The following ZBTB40 variants were observed in gnomAD, a reference collection of about 807,000 sequenced individuals.
The protein encoded by ZBTB40 is zinc finger and BTB domain containing 40.
A neutral mutation model predicts 117.5 loss-of-function variants in ZBTB40; 60 were observed. That is an observed-to-expected ratio of 0.51 (90% CI 0.41 to 0.63). The LOEUF (loss-of-function observed/expected upper bound fraction) is 0.63, where lower values mean the gene tolerates loss of function less well. Among genes scored for constraint, ZBTB40 ranks in the 30% least tolerant of loss-of-function variants. ZBTB40 has a pLI of 0.00. For synonymous variants in ZBTB40, 525 were observed against 577.1 expected, an observed-to-expected ratio of 0.91 and a Z score of 1.29; for missense variants, 1,287 against 1,498.5, an observed-to-expected ratio of 0.86 and a Z score of 2.33.
chr1:22,513,155 T>G lies in ZBTB40; in HGVS notation c.2668+25T>G, dbSNP rs768379056. The G allele has an allele frequency of 6.2e-6, 10 of 1,609,200 alleles. No homozygotes were observed. Among genetic ancestry groups the G allele is most frequent in the Non-Finnish European group, 8.5e-6 (10 of 1,177,674 alleles). ...GGTAAGGCGGGGCACAGTTCATTTC[T>G]CCTGCAGACTTTCACTGCGAACTGC... On this transcript the variant is annotated intron_variant, in intron 12 of 17. Coordinates refer to ENST00000375647, the MANE Select transcript of ZBTB40 (RefSeq NM_014870.4). The surrounding 1 kb of genome is among the most constrained non-coding windows in gnomAD (Gnocchi z 4.9).
chr1:22,438,974 T>G (rs750012159), intron 1 of ZBTB40, among the ~76,000 whole-genome samples: 3 of 152,160 alleles, frequency 2.0e-5, no homozygotes, highest in Non-Finnish European at 4.4e-5. Context: ...TTCAAGTGCT[T>G]CTTCTGCCTC....
At chr1:22,467,775 T>C (rs1641291269) in intron 1 of ZBTB40, among the ~76,000 whole-genome samples, 1 of 109,254 alleles carries the variant, frequency 9.2e-6, no homozygotes, top group Admixed American at 1.2e-4. Context: ...GTGTCAGGCC[T>C]GTTTTTTTTT....
chr1:22,492,712 C>T (rs1245598092), intron 3 of ZBTB40, among the ~76,000 whole-genome samples: 2 of 152,194 alleles, frequency 1.3e-5, no homozygotes, highest in African/African-American at 4.8e-5. Flanking sequence ...AACTGACAGT[C>T]GACTATACAT....
chr1:22,478,951 A>G (rs1641614656), intron 1 of ZBTB40, among the ~76,000 whole-genome samples: 1 of 152,144 alleles, frequency 6.6e-6, no homozygotes, highest in Admixed American at 6.5e-5. Context: ...TAATGTTTTT[A>G]CTACTCACAG....
Position 22,524,234 on chromosome 1 carries a change from G to A in ZBTB40, c.3315G>A (p.Arg1105=). ...CTCCTCCAGGGTCCCAGCCATTCCGGTGCTTGTACTGTGCTGCTACTTTCC... is the reference window on the plus strand; with the variant it reads ...CTCCTCCAGGGTCCCAGCCATTCCGATGCTTGTACTGTGCTGCTACTTTCC... ...KCQHSGSQPF[R]CLYCAATFRF... Residue 1105 remains arginine (R), a synonymous_variant, in exon 17 of 18, where the codon CGG becomes CGA. Transcript: ENST00000375647. 1 of 1,614,054 alleles carries A rather than the reference G, an allele frequency of 6.2e-7. No individual in the cohort carries two copies. Among genetic ancestry groups the A allele is most frequent in the Non-Finnish European group, 8.5e-7 (1 of 1,180,018 alleles).
intron 1 of ZBTB40, among the ~76,000 whole-genome samples, chr1:22,433,435 A>AAAACAAAAACAAAAAAAAAAAC (rs1386807539): frequency 4.2e-5 from 5 of 120,198 alleles, no homozygotes; most frequent in African/African-American, 1.7e-4. Context: ...GCCCTCTCAA[A>AAAACAAAAACAAAAAAAAAAAC]AAAAAAAAAA....
intron 1 of ZBTB40, among the ~76,000 whole-genome samples, chr1:22,431,384 G>GTGTGTATATATATATATATATA (rs1222294324): frequency 8.4e-6 from 1 of 119,710 alleles, no homozygotes; most frequent in Admixed American, 9.8e-5. Flanking sequence ...GTGTGTGTGT[G>GTGTGTATATATATATATATATA]TATATATATA....
intron 7 of ZBTB40, 65 bp from the exon 8 acceptor site, chr1:22,508,465 C>A: frequency 6.3e-7 from 1 of 1,575,346 alleles, no homozygotes; most frequent in Non-Finnish European, 8.7e-7. Flanking sequence ...TCTAGACTTG[C>A]AGCTCTGCAG....
intron 1 of ZBTB40, among the ~76,000 whole-genome samples, chr1:22,438,193 C>G (rs568373772): frequency 6.6e-6 from 1 of 152,196 alleles, no homozygotes; most frequent in Non-Finnish European, 1.5e-5. Flanking sequence ...GTCCCTCTCC[C>G]TCCAGCCACT....
Position 22,526,401 on chromosome 1 carries a change from C to T in ZBTB40, c.*5C>T, listed in dbSNP as rs1264231632. On this transcript the variant is annotated 3_prime_UTR_variant, in exon 18 of 18. Coordinates refer to ENST00000375647, the MANE Select transcript of ZBTB40 (RefSeq NM_014870.4). ...ATCTGTGGTGAGGCCAAATGAGCAGCCTTTCATCCGGCAGAGCCTTCCTGC... is the reference window on the plus strand; with the variant it reads ...ATCTGTGGTGAGGCCAAATGAGCAGTCTTTCATCCGGCAGAGCCTTCCTGC... 1 of 1,613,790 alleles carries T rather than the reference C, an allele frequency of 6.2e-7. No homozygotes were observed. Among genetic ancestry groups the T allele is most frequent in the African/African-American group, 1.3e-5 (1 of 74,924 alleles).
intron 1 of ZBTB40, among the ~76,000 whole-genome samples, chr1:22,471,208 C>G (rs1641395484): frequency 6.6e-6 from 1 of 152,010 alleles, no homozygotes. Context: ...TGGCCTATTC[C>G]AATAGCACTC....
chr1:22,517,631 A>G (rs1411664521), intron 13 of ZBTB40, 167 bp downstream of exon 13: 3 of 801,318 alleles, frequency 3.7e-6, no homozygotes, highest in Non-Finnish European at 5.7e-6. Context: ...TTCAGGAAGA[A>G]TCTCATTTTA....
At position 22,526,140 on chromosome 1, in the gene ZBTB40, T is replaced by G. The variant is rs985571067; in HGVS notation, c.3526-62T>G. On this transcript the variant is annotated intron_variant, in intron 17 of 17. Transcript: ENST00000375647. ...TCATTACAGCATGAGATGAAAACCA[T>G]GTAAATCAGGGAGCCAACTGTGAAC... is the stretch of plus-strand genomic sequence containing the variant. 3.7e-5 allele frequency: 59 copies of G among 1,577,428 alleles called. 2 individuals carry two copies. In the South Asian group the frequency reaches 6.3e-4, roughly 17 times the overall value.
At chr1:22,512,357 T>TA (rs1237354228) in intron 11 of ZBTB40, among the ~76,000 whole-genome samples, 2 of 152,212 alleles carry the variant, frequency 1.3e-5, no homozygotes, top group Non-Finnish European at 2.9e-5. Context: ...TGATACCACT[T>TA]ACTCTGTTGC....
At chr1:22,442,734 TG>T (rs1640747599) in intron 1 of ZBTB40, among the ~76,000 whole-genome samples, 1 of 151,994 alleles carries the variant, frequency 6.6e-6, no homozygotes, top group Non-Finnish European at 1.5e-5. Context: ...TGGGTGGAGG[TG>T]GGGAGTCCTG....
At chr1:22,519,567 G>C (rs926949532) in intron 13 of ZBTB40, 2 of 229,302 alleles carry the variant, frequency 8.7e-6, no homozygotes, top group Admixed American at 5.2e-5. Flanking sequence ...CTGTCATAGA[G>C]CACTCATTAT....
chr1:22,499,095 A>G (rs1189660160), intron 3 of ZBTB40, among the ~76,000 whole-genome samples: 1 of 152,378 alleles, frequency 6.6e-6, no homozygotes, highest in South Asian at 2.1e-4. Context: ...AGCCAGGGCT[A>G]CATCTCAAGG....
At chr1:22,483,957 T>C (rs936746687) in intron 1 of ZBTB40, among the ~76,000 whole-genome samples, 2 of 152,234 alleles carry the variant, frequency 1.3e-5, no homozygotes, top group African/African-American at 4.8e-5. Context: ...AGATTCATTT[T>C]TTCGTATGTG....
rs201728501 is a variant in ZBTB40, at chr1:22,501,510, G to A, written c.850G>A (p.Glu284Lys). 8.7e-6 allele frequency: 14 copies of A among 1,613,998 alleles called. No individual in the cohort carries two copies. The highest frequency in any genetic ancestry group is 2.7e-5 in the African/African-American group (2 of 74,922). ...TCCATAGATGATAGTGAAATGTTTC[G>A]AGGGTGAAGGAGGACATTCAGCATT... ...PQKEMIVKCFEGEGGHSAFQR... is the reference protein window; with the variant it reads ...PQKEMIVKCFKGEGGHSAFQR... The change falls in exon 4 of 18, where the codon GAG becomes AAG. Residue 284 changes from glutamate to lysine, a missense_variant. Transcript: ENST00000375647.
Sources: gnomAD v4.1 joint callset for allele counts (sites outside exome capture counted in the v4.1 genomes callset) on GRCh38, gnomAD v4.1.1 for gene constraint, Gnocchi (gnomAD v3.1) non-coding constraint, MANE v1.5 for transcripts, NCBI Gene and HGNC (gene_info 2026-07-23, HGNC 2026-07-21) for gene names.